The following GTF3C5 variants were observed in gnomAD, a reference collection of about 807,000 sequenced individuals.
GTF3C5 encodes general transcription factor IIIC subunit 5.
GTF3C5 carries 47 observed loss-of-function variants against 61.0 expected under a neutral mutation model. That is an observed-to-expected ratio of 0.77 (90% CI 0.61 to 0.98). The LOEUF is 0.98. Ranked by LOEUF, GTF3C5 falls within the 50% of genes least tolerant of loss-of-function variation. GTF3C5 has a pLI of 0.00. For synonymous variants in GTF3C5, 295 were observed against 275.4 expected, an observed-to-expected ratio of 1.07 and a Z score of -0.71; for missense variants, 659 against 703.3, an observed-to-expected ratio of 0.94 and a Z score of 0.71.
At chr9:133,047,759 T>G (rs1850249413) in intron 3 of GTF3C5, among the ~76,000 whole-genome samples, 1 of 152,212 alleles carries the variant, frequency 6.6e-6, no homozygotes, top group South Asian at 2.1e-4. Flanking sequence ...TGACCTCAGA[T>G]GATCCGCCTG....
intron 1 of GTF3C5, among the ~76,000 whole-genome samples, chr9:133,037,233 C>A (rs1438847138): frequency 6.6e-6 from 1 of 152,126 alleles, no homozygotes; most frequent in East Asian, 1.9e-4. Flanking sequence ...TTACTGTAAA[C>A]CACTGATGGT....
intron 1 of GTF3C5, among the ~76,000 whole-genome samples, chr9:133,037,119 C>T (rs1588463104): frequency 1.3e-5 from 2 of 152,030 alleles, no homozygotes; most frequent in Non-Finnish European, 2.9e-5. Flanking sequence ...AACTGTCCGT[C>T]GATACTGTTG....
chr9:133,030,903 C>G (rs1849705792), upstream of GTF3C5: 1 of 1,282,664 alleles, frequency 7.8e-7, no homozygotes, highest in Middle Eastern at 1.8e-4. Flanking sequence ...GTTAGGATGA[C>G]GCGAGCGGTG....
chr9:133,056,895 C>T lies in GTF3C5; in HGVS notation c.1380C>T (p.Arg460=), dbSNP rs1325459252. The change falls in exon 10 of 11, where the codon CGC becomes CGT. Residue 460 remains arginine (R), a synonymous_variant. Coordinates refer to ENST00000372097, the MANE Select transcript of GTF3C5 (RefSeq NM_012087.4). ...CCCTCATGATCCGGCAGACCATCCG[C>T]TCCAAGAGGCCTGGTAAGAGCCGCT... ...TMSLMIRQTI[R]SKRPALFSSS... 10 of 1,603,140 alleles carry T rather than the reference C, an allele frequency of 6.2e-6. No individual in the cohort carries two copies. The highest frequency in any genetic ancestry group is 1.3e-5 in the African/African-American group (1 of 74,428).
At chr9:133,055,899 G>A (rs1210722311) in intron 8 of GTF3C5, 113 bp from the exon 9 acceptor site, 1 of 1,489,260 alleles carries the variant, frequency 6.7e-7, no homozygotes, top group Non-Finnish European at 9.0e-7. Context: ...CCTGCTCCTG[G>A]TGACCAGCCA....
chr9:133,041,953 A>C (rs935329723), intron 1 of GTF3C5, 134 bp from the exon 2 acceptor site: 10 of 635,006 alleles, frequency 1.6e-5, no homozygotes, highest in African/African-American at 1.3e-4. Flanking sequence ...TTTGGGAATT[A>C]AGGGCCCAGA....
At chr9:133,044,023 T>C in intron 3 of GTF3C5, 97 bp downstream of exon 3, 1 of 838,496 alleles carries the variant, frequency 1.2e-6, no homozygotes, top group Non-Finnish European at 1.9e-6. Context: ...TGCACACCTG[T>C]AATTCCAGCT....
At chr9:133,054,043 T>TA (rs1341581283) in intron 6 of GTF3C5, 101 bp downstream of exon 6, 41 of 839,646 alleles carry the variant, frequency 4.9e-5, no homozygotes, top group Non-Finnish European at 7.4e-5. Flanking sequence ...TTGGAAAGAA[T>TA]AAAAAAACCT....
chr9:133,048,298 C>T (rs906064209), intron 3 of GTF3C5, among the ~76,000 whole-genome samples: 4 of 152,182 alleles, frequency 2.6e-5, no homozygotes, highest in African/African-American at 9.7e-5. Context: ...AGATCAAGAC[C>T]ATCCTGGCTA....
rs781268552 is a variant in GTF3C5, at chr9:133,031,053, C to A, written c.42C>A (p.Val14=). Residue 14 remains valine (V), a synonymous_variant, in exon 1 of 11, where the codon GTC becomes GTA. Coordinates refer to ENST00000372097, the MANE Select transcript of GTF3C5 (RefSeq NM_012087.4). ...EAADLGLGAA[V]PVELRRERRM... ...CCGATTTGGGGCTGGGGGCCGCCGTCCCCGTGGAGCTGAGGCGGGAGCGAC... is the reference window on the plus strand; with the variant it reads ...CCGATTTGGGGCTGGGGGCCGCCGTACCCGTGGAGCTGAGGCGGGAGCGAC... 3.1e-6 allele frequency: 5 copies of A among 1,612,088 alleles called. No homozygotes were observed. In the African/African-American group the frequency reaches 4.0e-5, roughly 13 times the overall value.
chr9:133,055,115 G>A lies in GTF3C5; in HGVS notation c.1167+306G>A, dbSNP rs758370407. On this transcript the variant is annotated intron_variant, in intron 8 of 10. Coordinates refer to ENST00000372097, the MANE Select transcript of GTF3C5 (RefSeq NM_012087.4). ...GGAGCCTGGGCCCCCACTGAGCCAC[G>A]TGACCACTCCGGGAATGATCGGAAT... 48 of 1,549,814 alleles carry A rather than the reference G, an allele frequency of 3.1e-5. No homozygotes were observed. In the South Asian group the frequency reaches 3.1e-4, roughly 10 times the overall value.
chr9:133,040,530 A>G (rs1342655299), intron 1 of GTF3C5, among the ~76,000 whole-genome samples: 4 of 152,214 alleles, frequency 2.6e-5, no homozygotes, highest in Non-Finnish European at 4.4e-5. Flanking sequence ...CATAGATGCT[A>G]TTCTTGGGGT....
intron 3 of GTF3C5, among the ~76,000 whole-genome samples, chr9:133,049,036 G>A (rs1850292240): frequency 6.6e-6 from 1 of 152,224 alleles, no homozygotes; most frequent in Admixed American, 6.5e-5. Context: ...GCTGCTGGGT[G>A]GCCTGACGGG....
chr9:133,045,372 C>T (rs943034005), intron 3 of GTF3C5, among the ~76,000 whole-genome samples: 4 of 152,330 alleles, frequency 2.6e-5, no homozygotes, highest in South Asian at 2.1e-4. Flanking sequence ...AGGCTTTGCT[C>T]GTGGCCCAGT....
chr9:133,057,789 A>G, intron 10 of GTF3C5, 25 bp from the exon 11 acceptor site: 1 of 1,570,980 alleles, frequency 6.4e-7, no homozygotes, highest in Non-Finnish European at 8.6e-7. Flanking sequence ...TGGGACACCC[A>G]TGGCCTTGTC....
intron 4 of GTF3C5, 132 bp from the exon 5 acceptor site, chr9:133,051,928 G>A (rs1447193737): frequency 1.9e-6 from 1 of 538,678 alleles, no homozygotes; most frequent in African/African-American, 2.0e-5. Context: ...GCCACGCCCT[G>A]TGTGTCCAGC....
rs1303957853 is a variant in GTF3C5 at position 133,056,181 on chromosome 9, C to T, written c.1250+87C>T. 37 of 1,068,120 alleles carry T rather than the reference C, an allele frequency of 3.5e-5. No individual in the cohort carries two copies. The Admixed American group carries it at 5.9e-4, about 17-fold the overall frequency. 66.2% of individuals were successfully genotyped at this position (1,068,120 alleles called of 1,614,324 possible). On this transcript the variant is annotated intron_variant, in intron 9 of 10. Coordinates refer to ENST00000372097, the MANE Select transcript of GTF3C5 (RefSeq NM_012087.4). ...GTCTCTGAACTCTTCCACTTCACGT[C>T]GGCCTTCATCTCCGGCAAGAGCACT... is the stretch of plus-strand genomic sequence containing the variant.
intron 1 of GTF3C5, among the ~76,000 whole-genome samples, chr9:133,034,368 T>C (rs1849809622): frequency 6.6e-6 from 1 of 152,182 alleles, no homozygotes; most frequent in Non-Finnish European, 1.5e-5. Context: ...TAGCTGCCTT[T>C]GAGCTTGTTC....
chr9:133,046,957 AGT>A (rs1274522772), intron 3 of GTF3C5, among the ~76,000 whole-genome samples: 1 of 151,984 alleles, frequency 6.6e-6, no homozygotes, highest in Non-Finnish European at 1.5e-5. Context: ...CTCAAGAGAG[AGT>A]GTGTTATTCT....
Sources: gnomAD v4.1 joint callset for allele counts (sites outside exome capture counted in the v4.1 genomes callset) on GRCh38, gnomAD v4.1.1 for gene constraint, MANE v1.5 for transcripts, NCBI Gene and HGNC (gene_info 2026-07-23, HGNC 2026-07-21) for gene names.